The following DOCK1 variants were observed in gnomAD, a reference collection of about 807,000 sequenced individuals.
The protein encoded by DOCK1 is dedicator of cytokinesis protein 1.
Under a neutral mutation model 262.7 loss-of-function variants are expected in DOCK1, and 138 were observed. That is an observed-to-expected ratio of 0.53 (90% CI 0.46 to 0.61). The LOEUF (loss-of-function observed/expected upper bound fraction) is 0.61. Ranked by LOEUF, DOCK1 falls within the 20% of genes least tolerant of loss-of-function variation. The pLI is 0.00. For synonymous variants in DOCK1, 866 were observed against 867.4 expected (o/e 1.00, Z 0.03); for missense variants, 1,908 against 2,370.7 (o/e 0.80, Z 4.05).
At position 127,356,622 on chromosome 10, in the gene DOCK1, G is replaced by T. The variant is rs2064157166; in HGVS notation, c.3283+1895G>T. Among the ~76,000 whole-genome samples, 3 of 152,100 alleles carry T rather than the reference G, an allele frequency of 2.0e-5. No individual in the cohort carries two copies. In the South Asian group the frequency reaches 6.2e-4, roughly 32 times the overall value. The stretch of plus-strand genomic sequence containing the variant: ...TGTGGTCCCATGAGAGAGAGAGAGA[G>T]GCAGGAGACGGGGGAGGGCTTTCAC... On this transcript the variant is annotated intron_variant, in intron 32 of 51. Transcript: ENST00000623213.
At chr10:127,204,091 C>G (rs1054412677) in intron 27 of DOCK1, among the ~76,000 whole-genome samples, 1 of 152,038 alleles carries the variant, frequency 6.6e-6, no homozygotes, top group African/African-American at 2.4e-5. Context: ...CACCTTCTCC[C>G]CCTTGCCTGG....
Position 127,031,678 on chromosome 10 carries a change from A to G in DOCK1, c.1653A>G (p.Ala551=). The G allele has an allele frequency of 6.2e-7, 1 of 1,611,776 alleles. No individual in the cohort carries two copies. The highest frequency in any genetic ancestry group is 8.5e-7 in the Non-Finnish European group (1 of 1,179,642). Residue 551 remains alanine, a synonymous_variant, in exon 17 of 52, where the codon GCA becomes GCG. Transcript: ENST00000623213. ...DSKDKSEKIF[A]LAFVKLMRYD... ...AGGATAAATCTGAGAAAATATTTGC[A>G]CTAGCATTTGTCAAGCTGATGAGAT...
chr10:127,032,351 C>T (rs369515152), intron 18 of DOCK1, 31 bp downstream of exon 18: 9 of 1,476,742 alleles, frequency 6.1e-6, no homozygotes, highest in Non-Finnish European at 8.1e-6. Context: ...ACACTCACCC[C>T]AGGAGCTCTG....
chr10:127,154,459 C>A (rs755423284), intron 27 of DOCK1, among the ~76,000 whole-genome samples: 1 of 152,108 alleles, frequency 6.6e-6, no homozygotes. Flanking sequence ...GGAAATGATC[C>A]GAAATTCAAA....
At chr10:127,362,865 ACACACACACATACACATCCC>A (rs1565026580) in intron 33 of DOCK1, among the ~76,000 whole-genome samples, 3 of 142,668 alleles carry the variant, frequency 2.1e-5, no homozygotes, top group Admixed American at 6.8e-5. Context: ...GTACATCCCC[ACACACACACATACACATCCC>A]CACACACACA....
At chr10:127,204,185 A>G (rs1330958542) in intron 27 of DOCK1, among the ~76,000 whole-genome samples, 1 of 152,190 alleles carries the variant, frequency 6.6e-6, no homozygotes, top group Non-Finnish European at 1.5e-5. Context: ...TATTCATTTC[A>G]TTTAAGCGAG....
chr10:126,973,292 A>G (rs1334256834), intron 2 of DOCK1, among the ~76,000 whole-genome samples: 1 of 150,896 alleles, frequency 6.6e-6, no homozygotes, highest in Admixed American at 6.6e-5. Flanking sequence ...ATGGTGGTGC[A>G]ATTTCAGCTC....
intron 27 of DOCK1, among the ~76,000 whole-genome samples, chr10:127,214,102 G>A (rs529225067): frequency 1.3e-5 from 2 of 152,082 alleles, no homozygotes; most frequent in Non-Finnish European, 2.9e-5. Context: ...TCGCCTCGGC[G>A]TCCCAAAGTG....
chr10:127,318,514 G>A (rs1433985482), intron 29 of DOCK1, among the ~76,000 whole-genome samples: 1 of 152,198 alleles, frequency 6.6e-6, no homozygotes, highest in African/African-American at 2.4e-5. Flanking sequence ...GCAAGGATGG[G>A]GGCCCAGCAC....
intron 27 of DOCK1, among the ~76,000 whole-genome samples, chr10:127,161,297 A>G (rs2053572610): frequency 6.6e-6 from 1 of 152,190 alleles, no homozygotes; most frequent in Admixed American, 6.5e-5. Context: ...AAGAATATGA[A>G]GTTGATTTTC....
Position 126,941,791 on chromosome 10 carries a change from A to C in DOCK1, c.47-28911A>C, listed in dbSNP as rs962220730. On this transcript the variant is annotated intron_variant, in intron 1 of 51. Transcript: ENST00000623213. ...AACAAAACAAAACAAAACAAAAAAA[A>C]CAGCATTTGTGGATTGTACCTGTCT... 1.7e-4 allele frequency among the ~76,000 whole-genome samples: 26 copies of C among 152,158 alleles called. 1 individual carries two copies. Among genetic ancestry groups the C allele is most frequent in the African/African-American group, 6.0e-4 (25 of 41,534 alleles).
chr10:127,285,049 G>T (rs2061098941), intron 29 of DOCK1, among the ~76,000 whole-genome samples: 1 of 152,012 alleles, frequency 6.6e-6, no homozygotes. Context: ...GAGGCAGGAG[G>T]ATTGCTTGAG....
rs763312127 is a variant in DOCK1, at chr10:127,362,104, A to G, written c.3324A>G (p.Pro1108=). Residue 1108 remains proline (P), a synonymous_variant, in exon 33 of 52, where the codon CCA becomes CCG. Transcript: ENST00000623213. ...AGTTCATTCCAGAAATGGTGGGCCC[A>G]ATATTAGAAATGACATTAATTCCCG... ...KIKFIPEMVG[P]ILEMTLIPET... 1.5e-5 allele frequency: 25 copies of G among 1,613,600 alleles called. No individual in the cohort carries two copies. The highest frequency in any genetic ancestry group is 1.9e-5 in the Non-Finnish European group (23 of 1,179,810).
intron 44 of DOCK1, 89 bp from the exon 45 acceptor site, chr10:127,418,276 C>G (rs895878408): frequency 3.6e-5 from 51 of 1,399,196 alleles, no homozygotes; most frequent in Non-Finnish European, 4.7e-5. Flanking sequence ...GAGCAGGAAG[C>G]CTGCCCCAGA....
At chr10:127,182,920 G>A (rs2055870643) in intron 27 of DOCK1, among the ~76,000 whole-genome samples, 1 of 152,142 alleles carries the variant, frequency 6.6e-6, no homozygotes, top group Non-Finnish European at 1.5e-5. Context: ...TCAGCTGGTA[G>A]TTTGGGGCCC....
intron 1 of DOCK1, among the ~76,000 whole-genome samples, chr10:126,961,708 T>C (rs2037235925): frequency 6.6e-6 from 1 of 152,246 alleles, no homozygotes; most frequent in Non-Finnish European, 1.5e-5. Flanking sequence ...GATATTCCAC[T>C]GTATGTATGT....
At chr10:127,439,465 G>T (rs2069928747) in intron 49 of DOCK1, among the ~76,000 whole-genome samples, 1 of 152,304 alleles carries the variant, frequency 6.6e-6, no homozygotes, top group Admixed American at 6.5e-5. Context: ...CAGGGCCTGG[G>T]GCGAGGCCGC....
intron 24 of DOCK1, among the ~76,000 whole-genome samples, chr10:127,109,104 T>C (rs1255428288): frequency 6.6e-6 from 1 of 152,232 alleles, no homozygotes; most frequent in Non-Finnish European, 1.5e-5. Context: ...ATGGCATTAC[T>C]TGGTTTTGCA....
intron 48 of DOCK1, among the ~76,000 whole-genome samples, chr10:127,435,506 A>G (rs766998914): frequency 1.3e-5 from 2 of 152,234 alleles, no homozygotes; most frequent in African/African-American, 2.4e-5. Flanking sequence ...GAAATTCTCA[A>G]TTTAGAGGTA....
Sources: allele counts gnomAD v4.1 joint callset (sites outside exome capture counted in the v4.1 genomes callset), GRCh38; gene constraint gnomAD v4.1.1; transcripts MANE v1.5; gene names NCBI Gene and HGNC (gene_info 2026-07-23, HGNC 2026-07-21).